SEC13: variants seen among roughly 807,000 people sequenced by gnomAD.
SEC13 encodes SEC13 homolog, nuclear pore and COPII component.
SEC13 carries 25 observed loss-of-function variants against 49.2 expected under a neutral mutation model. The observed-to-expected ratio is 0.51, with a 90% confidence interval of 0.37 to 0.71. SEC13 has a LOEUF of 0.71. Among genes scored for constraint, SEC13 ranks in the 30% least tolerant of loss-of-function variants. SEC13 has a pLI of 0.00. For missense variants in SEC13, 383 were observed against 417.6 expected (o/e 0.92, Z 0.72); for synonymous variants, 148 against 163.9 (o/e 0.90, Z 0.74).
At chr3:10,302,894 A>AG (rs1700626771) in intron 8 of SEC13, among the ~76,000 whole-genome samples, 1 of 152,236 alleles carries the variant, frequency 6.6e-6, no homozygotes, top group South Asian at 2.1e-4. Context: ...TACGTACAGC[A>AG]TGGAGGAACC....
intron 8 of SEC13, among the ~76,000 whole-genome samples, chr3:10,301,975 C>T (rs1200332001): frequency 6.6e-6 from 1 of 152,152 alleles, no homozygotes; most frequent in Non-Finnish European, 1.5e-5. Flanking sequence ...GGCATGGTGG[C>T]TCACGCCTGT....
Position 10,312,598 on chromosome 3 carries a change from A to G in SEC13, c.297T>C (p.His99=), listed in dbSNP as rs1417885934. The G allele has an allele frequency of 3.1e-6, 5 of 1,614,144 alleles. No homozygotes were observed. Among genetic ancestry groups the G allele is most frequent in the South Asian group, 2.2e-5 (2 of 91,076 alleles). The part of the protein sequence containing the change: ...ENGTWEKSHE[H]AGHDSSVNSV... The stretch of plus-strand genomic sequence containing the variant: ...GCATACCTGAGGAGTCGTGTCCCGC[A>G]TGCTCGTGGCTCTTCTCCCAGGTGC... The change falls in exon 4 of 9, where the codon CAT becomes CAC. Residue 99 remains histidine (H), a synonymous_variant. Transcript: ENST00000350697.
intron 8 of SEC13, among the ~76,000 whole-genome samples, chr3:10,302,189 G>A (rs1700574029): frequency 6.6e-6 from 1 of 152,198 alleles, no homozygotes; most frequent in Admixed American, 6.5e-5. Flanking sequence ...AGTGAGCCGA[G>A]ACTGCGCCAC....
chr3:10,305,514 G>C, intron 6 of SEC13, 45 bp downstream of exon 6: 1 of 1,607,088 alleles, frequency 6.2e-7, no homozygotes, highest in Non-Finnish European at 8.5e-7. Context: ...TAGGGTAAAG[G>C]GTAGAAGTGT....
At position 10,305,740 on chromosome 3, in the gene SEC13, C is replaced by T. The variant is rs367571003; in HGVS notation, c.451-48G>A. ...GACTCTGCCTTGCAAGAGAACACTGCTTCTGCAGACCCAAGCCTGCTGTCC... is the reference window on the plus strand; with the variant it reads ...GACTCTGCCTTGCAAGAGAACACTGTTTCTGCAGACCCAAGCCTGCTGTCC... On this transcript the variant is annotated intron_variant, in intron 5 of 8. Coordinates refer to ENST00000350697, the MANE Select transcript of SEC13 (RefSeq NM_183352.3). The T allele has an allele frequency of 3.1e-6, 5 of 1,608,604 alleles. No individual in the cohort carries two copies. In the African/African-American group the frequency reaches 6.7e-5, roughly 21 times the overall value.
chr3:10,319,555 A>C (rs2059727594), intron 1 of SEC13, among the ~76,000 whole-genome samples: 1 of 152,178 alleles, frequency 6.6e-6, no homozygotes, highest in East Asian at 1.9e-4. Context: ...TGCTGAGTCC[A>C]CAAAACTTCA....
chr3:10,305,151 TCCTC>T lies in SEC13; in HGVS notation c.586_589del (p.Glu196ArgfsTer12). The stretch of plus-strand genomic sequence containing the variant: ...CTCCTCCTTCCACTGGCCGTCCTCC[TCCTC>T]CCTAACAGTGGGGACAGAAAGAGAA... On this transcript the variant is annotated frameshift_variant and splice_region_variant, in exon 7 of 9. Coordinates refer to ENST00000350697, the MANE Select transcript of SEC13 (RefSeq NM_183352.3). LOFTEE classifies it high-confidence loss of function. The T allele has an allele frequency of 6.2e-7, 1 of 1,611,384 alleles. No individual in the cohort carries two copies. The highest frequency in any genetic ancestry group is 8.5e-7 in the Non-Finnish European group (1 of 1,178,592).
chr3:10,309,556 G>A (rs1413692579), intron 5 of SEC13, among the ~76,000 whole-genome samples: 1 of 151,970 alleles, frequency 6.6e-6, no homozygotes, highest in East Asian at 1.9e-4. Flanking sequence ...ATTCTTTCCT[G>A]AGTTCTGTCA....
At position 10,315,358 on chromosome 3, in the gene SEC13, G is replaced by A. The variant is rs757416423; in HGVS notation, c.127C>T (p.Arg43Cys). ...GCGATAAGGATCTGCCCTCCATTGC[G>A]CACATCAAAGATTTTGACGGACCTG... ...SDRSVKIFDV[R>C]NGGQILIADL... The change falls in exon 3 of 9, where the codon CGC becomes TGC. Residue 43 changes from arginine to cysteine, a missense_variant. Arg to Cys is a radical substitution (Grantham distance 180, BLOSUM62 -3). Transcript: ENST00000350697. 249 of 1,613,718 alleles carry A rather than the reference G, an allele frequency of 1.5e-4. No individual in the cohort carries two copies. The highest frequency in any genetic ancestry group is 2.0e-4 in the Non-Finnish European group (237 of 1,179,938).
At chr3:10,307,601 C>G (rs1231304621) in intron 5 of SEC13, among the ~76,000 whole-genome samples, 1 of 152,088 alleles carries the variant, frequency 6.6e-6, no homozygotes, top group Non-Finnish European at 1.5e-5. Flanking sequence ...GGTGAACTCC[C>G]CTTCATAAAA....
chr3:10,302,644 G>A (rs1476573564), intron 8 of SEC13, among the ~76,000 whole-genome samples: 1 of 152,176 alleles, frequency 6.6e-6, no homozygotes, highest in Non-Finnish European at 1.5e-5. Flanking sequence ...CTTTGAGAGG[G>A]GGCCTGCTAG....
At position 10,301,037 on chromosome 3, in the gene SEC13, T is replaced by G; in HGVS notation, c.*224A>C. On this transcript the variant is annotated 3_prime_UTR_variant, in exon 9 of 9. Coordinates refer to ENST00000350697, the MANE Select transcript of SEC13 (RefSeq NM_183352.3). ...GACCCAAAATAGATTTGAACATCACTTGTAGTTTCTTCCTCGTAACATGAG... is the reference window on the plus strand; with the variant it reads ...GACCCAAAATAGATTTGAACATCACGTGTAGTTTCTTCCTCGTAACATGAG... 1 of 1,572,072 alleles carries G rather than the reference T, an allele frequency of 6.4e-7. No individual in the cohort carries two copies. The highest frequency in any genetic ancestry group is 8.7e-7 in the Non-Finnish European group (1 of 1,149,854).
chr3:10,301,259 T>TGTCA lies in SEC13; in HGVS notation c.967_*1dup. ...GTGGGGAGCCAGGCCCCACCTGTCT[T>TGTCA]GTCACTGCTCGTTCTGCTGGCCCTC... On this transcript the variant is annotated 3_prime_UTR_variant, in exon 9 of 9. Transcript: ENST00000350697. The TGTCA allele has an allele frequency of 3.1e-6, 5 of 1,614,180 alleles. No homozygotes were observed. Among genetic ancestry groups the TGTCA allele is most frequent in the Non-Finnish European group, 4.2e-6 (5 of 1,180,032 alleles).
In SEC13 at chr3:10,305,667, G is replaced by T; in HGVS notation, c.476C>A (p.Ala159Asp). 2 of 1,614,184 alleles carry T rather than the reference G, an allele frequency of 1.2e-6. No homozygotes were observed. The highest frequency in any genetic ancestry group is 2.7e-5 in the African/African-American group (2 of 75,052). The part of the protein sequence containing the change: ...HTIGCNAVSW[A>D]PAVVPGSLID... ...GAGGCTTCCAGGTACAACAGCAGGG[G>T]CCCAGCTGACGGCATTGCAGCCAAT... The change falls in exon 6 of 9, where the codon GCC becomes GAC. Residue 159 changes from alanine to aspartate, a missense_variant. Transcript: ENST00000350697.
At chr3:10,320,891 G>A in intron 1 of SEC13, 159 bp downstream of exon 1, 2 of 1,442,940 alleles carry the variant, frequency 1.4e-6, no homozygotes, top group East Asian at 5.4e-5. Context: ...CCCTCGGAAT[G>A]GTCCGCAAGG....
chr3:10,319,701 CA>C (rs1178065372), intron 1 of SEC13, among the ~76,000 whole-genome samples: 1 of 142,544 alleles, frequency 7.0e-6, no homozygotes, highest in Non-Finnish European at 1.5e-5. Context: ...TAGAAATAAT[CA>C]GCATTTAATT....
chr3:10,305,159 A>C lies in SEC13; in HGVS notation c.585-3T>G. ...TCCACTGGCCGTCCTCCTCCTCCCT[A>C]ACAGTGGGGACAGAAAGAGAATCAG... On this transcript the variant is annotated splice_polypyrimidine_tract_variant and splice_region_variant and intron_variant, in intron 6 of 8. Coordinates refer to ENST00000350697, the MANE Select transcript of SEC13 (RefSeq NM_183352.3). 7 of 1,608,324 alleles carry C rather than the reference A, an allele frequency of 4.4e-6. No individual in the cohort carries two copies. Among genetic ancestry groups the C allele is most frequent in the Non-Finnish European group, 5.9e-6 (7 of 1,176,924 alleles).
intron 1 of SEC13, chr3:10,320,522 C>T: frequency 1.0e-6 from 1 of 985,736 alleles, no homozygotes; most frequent in South Asian, 4.7e-5. Context: ...GGGGCCCTAC[C>T]CCGAGCAACA....
At chr3:10,320,006 G>GGA (rs59019332) in intron 1 of SEC13, among the ~76,000 whole-genome samples, 28,414 of 102,872 alleles carry the variant, frequency 0.28, 4,210 homozygotes, top group East Asian at 0.55. Flanking sequence ...GGGAGGGTGG[G>GGA]GAGAGAGAGA....
Sources: allele counts gnomAD v4.1 joint callset (sites outside exome capture counted in the v4.1 genomes callset), GRCh38; gene constraint gnomAD v4.1.1; transcripts MANE v1.5; gene names NCBI Gene and HGNC (gene_info 2026-07-23, HGNC 2026-07-21).